The following RNF130 variants were observed in gnomAD, a reference collection of about 807,000 sequenced individuals.
RNF130 encodes E3 ubiquitin-protein ligase RNF130.
RNF130 carries 21 observed loss-of-function variants against 44.6 expected under a neutral mutation model. The observed-to-expected ratio is 0.47, with a 90% CI of 0.33 to 0.68. The LOEUF is 0.68. RNF130 is among the 30% of genes least tolerant of loss of function. The pLI is 0.02. For synonymous variants in RNF130, 214 were observed against 210.4 expected (o/e 1.02, Z -0.15); for missense variants, 479 against 560.6 (o/e 0.85, Z 1.47).
rs546244988 is a variant in RNF130 at position 180,025,753 on chromosome 5, C to T, written c.443-12442G>A. On this transcript the variant is annotated intron_variant, in intron 2 of 8. Transcript: ENST00000521389. ...CTGCCACAGCAGTACACTTCAATTC[C>T]AAGCTCCATCTTTTCTGAGGTAGTT... 4.6e-5 allele frequency among the ~76,000 whole-genome samples: 7 copies of T among 152,254 alleles called. No individual in the cohort carries two copies. In the South Asian group the frequency reaches 1.5e-3, roughly 32 times the overall value.
intron 7 of RNF130, among the ~76,000 whole-genome samples, chr5:179,946,404 CA>C (rs1414274129): frequency 6.6e-6 from 1 of 152,096 alleles, no homozygotes; most frequent in Admixed American, 6.5e-5. Context: ...TTTGGTCAGG[CA>C]AGACAATGGA....
chr5:179,937,940 GA>G, intron 7 of RNF130, among the ~76,000 whole-genome samples: 1 of 135,218 alleles, frequency 7.4e-6, no homozygotes, highest in African/African-American at 2.9e-5. Flanking sequence ...GTGTGAGAGA[GA>G]GAGAGAGAGA....
chr5:179,980,155 T>C lies in RNF130; in HGVS notation c.739A>G (p.Thr247Ala), dbSNP rs984615619. 3.7e-6 allele frequency: 6 copies of C among 1,614,148 alleles called. No individual in the cohort carries two copies. Among genetic ancestry groups the C allele is most frequent in the Non-Finnish European group, 3.4e-6 (4 of 1,180,010 alleles). ...AAKKAISKLT[T>A]RTVKKGDKET... ...TTGTCACCCTTCTTTACTGTCCTGG[T>C]TGTCAATTTACTGATGGCTTTCTTG... The change falls in exon 4 of 9, where the codon ACC (threonine) becomes GCC (alanine). Residue 247 changes from threonine (T) to alanine (A), a missense_variant. This residue lies in a region of RNF130 where 180 missense variants were observed against 275.1 expected (regional missense o/e 0.65). Transcript: ENST00000521389.
chr5:180,035,592 T>TA (rs1764231576), intron 2 of RNF130, among the ~76,000 whole-genome samples: 1 of 152,158 alleles, frequency 6.6e-6, no homozygotes, highest in Non-Finnish European at 1.5e-5. Flanking sequence ...TTACTAAGAG[T>TA]AGGGTGTTAA....
exon 8 of RNF130, chr5:179,911,950 G>A (rs1027994436): frequency 6.6e-6 from 1 of 152,184 alleles, no homozygotes; most frequent in Admixed American, 6.5e-5. Context: ...AATATTGACT[G>A]TTCTTTCTGG....
intron 1 of RNF130, among the ~76,000 whole-genome samples, chr5:180,042,532 T>C (rs35135297): frequency 0.13 from 19,130 of 152,224 alleles, 1,356 homozygotes; most frequent in East Asian, 0.24. Context: ...CTGAAACAGA[T>C]TGTTTACTTT....
At chr5:179,928,501 C>A (rs1344040870) in intron 7 of RNF130, among the ~76,000 whole-genome samples, 1 of 152,106 alleles carries the variant, frequency 6.6e-6, no homozygotes, top group East Asian at 1.9e-4. Context: ...TCTGAAATGT[C>A]TCTTTGTTTC....
At chr5:180,053,980 C>G (rs1444168387) in intron 1 of RNF130, among the ~76,000 whole-genome samples, 1 of 151,954 alleles carries the variant, frequency 6.6e-6, no homozygotes, top group East Asian at 1.9e-4. Context: ...CTACACCCAG[C>G]TAATTTTTAT....
At chr5:180,039,234 C>T (rs1318894444) in intron 2 of RNF130, among the ~76,000 whole-genome samples, 3 of 151,976 alleles carry the variant, frequency 2.0e-5, no homozygotes, top group East Asian at 3.9e-4. Context: ...ATACACCTTA[C>T]TTCTTTTCTT....
intron 7 of RNF130, among the ~76,000 whole-genome samples, chr5:179,922,405 T>C (rs572225744): frequency 9.2e-5 from 14 of 152,136 alleles, no homozygotes; most frequent in Admixed American, 7.9e-4. Context: ...CTCCACCTCC[T>C]GGGTTCAAGA....
intron 3 of RNF130, among the ~76,000 whole-genome samples, chr5:179,982,974 A>C (rs1762871315): frequency 6.6e-6 from 1 of 151,964 alleles, no homozygotes; most frequent in Non-Finnish European, 1.5e-5. Context: ...GTCTGTGGTG[A>C]AGTGTCTGTT....
At chr5:179,933,003 G>A (rs1761831651) in intron 7 of RNF130, among the ~76,000 whole-genome samples, 1 of 152,162 alleles carries the variant, frequency 6.6e-6, no homozygotes, top group African/African-American at 2.4e-5. Flanking sequence ...AGACATCACT[G>A]CAAAGCCTAC....
chr5:179,988,598 A>G (rs536149665), intron 3 of RNF130, among the ~76,000 whole-genome samples: 1 of 149,120 alleles, frequency 6.7e-6, no homozygotes, highest in African/African-American at 2.4e-5. Flanking sequence ...GGTATGTTTT[A>G]TTTCCATTTT....
intron 2 of RNF130, among the ~76,000 whole-genome samples, chr5:180,036,420 C>G (rs1348929469): frequency 6.6e-6 from 1 of 152,218 alleles, no homozygotes; most frequent in Non-Finnish European, 1.5e-5. Flanking sequence ...GTGTCATTCA[C>G]CACTGCAAAC....
At chr5:180,048,197 C>T (rs1764612802) in intron 1 of RNF130, among the ~76,000 whole-genome samples, 1 of 152,110 alleles carries the variant, frequency 6.6e-6, no homozygotes, top group Non-Finnish European at 1.5e-5. Context: ...CATTCCCTTC[C>T]ATTCCAAGCA....
At chr5:180,064,591 C>T (rs1276816887) in intron 1 of RNF130, among the ~76,000 whole-genome samples, 4 of 152,164 alleles carry the variant, frequency 2.6e-5, no homozygotes, top group Admixed American at 2.0e-4. Flanking sequence ...CTCTTCATCT[C>T]CCCTTCTTCC....
rs533120369 is a variant in RNF130, at chr5:179,989,060, G to A, written c.694-8860C>T. 2.0e-5 allele frequency among the ~76,000 whole-genome samples: 3 copies of A among 152,266 alleles called. No individual in the cohort carries two copies. In the South Asian group the frequency reaches 6.2e-4, roughly 32 times the overall value. ...AAAGAGGTTTAATCAACTCAGTTCC[G>A]CATGGCTAAGAAGGCCTCAGGAAAC... On this transcript the variant is annotated intron_variant, in intron 3 of 8. Coordinates refer to ENST00000521389, the MANE Select transcript of RNF130 (RefSeq NM_018434.6).
chr5:180,007,544 A>G (rs1351396748), intron 3 of RNF130, among the ~76,000 whole-genome samples: 1 of 152,204 alleles, frequency 6.6e-6, no homozygotes, highest in Non-Finnish European at 1.5e-5. Context: ...TTCTTATTAA[A>G]CTTTAATAAG....
chr5:180,063,962 C>T (rs1483443648), intron 1 of RNF130, among the ~76,000 whole-genome samples: 1 of 152,156 alleles, frequency 6.6e-6, no homozygotes, highest in Non-Finnish European at 1.5e-5. Context: ...ACTCATTCTA[C>T]CCAATGGGGA....
Sources: allele counts gnomAD v4.1 joint callset (sites outside exome capture counted in the v4.1 genomes callset), GRCh38; gene constraint gnomAD v4.1.1; regional missense constraint gnomAD v4.1.1; transcripts MANE v1.5; gene names NCBI Gene and HGNC (gene_info 2026-07-23, HGNC 2026-07-21).